EPB41L4A: variants seen among roughly 807,000 people sequenced by gnomAD.
EPB41L4A encodes erythrocyte membrane protein band 4.1 like 4A.
A neutral mutation model predicts 108.6 loss-of-function variants in EPB41L4A; 100 were observed. The observed-to-expected ratio is 0.92, with a 90% confidence interval of 0.78 to 1.09. The LOEUF (loss-of-function observed/expected upper bound fraction) is 1.09, where lower values mean the gene tolerates loss of function less well. EPB41L4A is among the 50% of genes least tolerant of loss of function. The pLI, the probability that EPB41L4A is intolerant of heterozygous loss-of-function variation, is 0.00. For missense variants in EPB41L4A, 1,030 were observed against 842.7 expected, an observed-to-expected ratio of 1.22 and a Z score of -2.75; for synonymous variants, 319 against 289.0, an observed-to-expected ratio of 1.10 and a Z score of -1.05.
chr5:112,202,242 G>A (rs971983517), intron 15 of EPB41L4A, among the ~76,000 whole-genome samples: 5 of 152,016 alleles, frequency 3.3e-5, no homozygotes, highest in African/African-American at 1.2e-4. Flanking sequence ...CATCCATCAC[G>A]GTGCCTGCAG....
chr5:112,331,966 T>C (rs1217055970), intron 1 of EPB41L4A, among the ~76,000 whole-genome samples: 1 of 152,232 alleles, frequency 6.6e-6, no homozygotes, highest in Admixed American at 6.5e-5. Flanking sequence ...GTTAGAATCA[T>C]AGGAGCATTT....
At chr5:112,314,984 TC>T (rs1428136472) in intron 1 of EPB41L4A, among the ~76,000 whole-genome samples, 1 of 152,110 alleles carries the variant, frequency 6.6e-6, no homozygotes, top group African/African-American at 2.4e-5. Flanking sequence ...ATAATGGACC[TC>T]CACTAATGAG....
chr5:112,231,329 T>C (rs1419369942), intron 12 of EPB41L4A, among the ~76,000 whole-genome samples: 3 of 152,200 alleles, frequency 2.0e-5, no homozygotes, highest in African/African-American at 7.2e-5. Context: ...GATATACAAT[T>C]GACCAAAAGG....
Position 112,183,465 on chromosome 5 carries a change from C to T in EPB41L4A, c.1622+551G>A, listed in dbSNP as rs115700536. On this transcript the variant is annotated intron_variant, in intron 18 of 22. Coordinates refer to ENST00000261486, the MANE Select transcript of EPB41L4A (RefSeq NM_022140.5). Reference sequence around the variant, plus strand: ...CACACACGCACAGAAACTTTACCAGCTCAAAGACAATTAATTTGGGGGACT... The same window carrying T: ...CACACACGCACAGAAACTTTACCAGTTCAAAGACAATTAATTTGGGGGACT... The T allele has an allele frequency of 5.8e-3, 888 of 153,888 alleles. 3 individuals are homozygous for T. Among genetic ancestry groups the T allele is most frequent in the Middle Eastern group, 0.014 (4 of 294 alleles). The allele number at this position is 153,888 out of a possible 1,614,324, so 9.5% of individuals were successfully genotyped here.
intron 1 of EPB41L4A, among the ~76,000 whole-genome samples, chr5:112,352,085 A>G (rs1264780811): frequency 6.6e-6 from 1 of 152,048 alleles, no homozygotes; most frequent in African/African-American, 2.4e-5. Context: ...TAAAAAAAAC[A>G]CTTTCTCATT....
At chr5:112,161,618 G>A (rs1486467433), downstream of EPB41L4A, 2 of 519,038 alleles carry the variant, frequency 3.9e-6, no homozygotes, top group African/African-American at 1.9e-5. Context: ...AGTAACAGTT[G>A]CTGCTTTTAC....
At chr5:112,161,472 C>G (rs1322680652), downstream of EPB41L4A, 1 of 517,804 alleles carries the variant, frequency 1.9e-6, no homozygotes, top group African/African-American at 1.9e-5. Flanking sequence ...TAAAGCCTAC[C>G]TCACGCAGTG....
chr5:112,419,841 G>C (rs1370084519), upstream of EPB41L4A: 1 of 456,738 alleles, frequency 2.2e-6, no homozygotes. Flanking sequence ...GTGGCCGTGT[G>C]TAGCCAAGTT....
chr5:112,165,392 A>G (rs1269078283), intron 22 of EPB41L4A, among the ~76,000 whole-genome samples: 1 of 152,216 alleles, frequency 6.6e-6, no homozygotes, highest in Admixed American at 6.5e-5. Flanking sequence ...AATCAGTGTC[A>G]TTACTTTTGT....
At chr5:112,220,814 T>C (rs150881498) in intron 12 of EPB41L4A, among the ~76,000 whole-genome samples, 1 of 152,182 alleles carries the variant, frequency 6.6e-6, no homozygotes, top group Non-Finnish European at 1.5e-5. Context: ...GAATCCCTCA[T>C]GTGATAGATA....
chr5:112,203,622 A>G (rs1244902829), intron 15 of EPB41L4A, among the ~76,000 whole-genome samples: 1 of 152,228 alleles, frequency 6.6e-6, no homozygotes, highest in Non-Finnish European at 1.5e-5. Context: ...CTACCCGTAT[A>G]GGTAAAATGT....
Position 112,176,871 on chromosome 5 carries a change from C to A in EPB41L4A, c.1623-5879G>T, listed in dbSNP as rs1037950514. 3.3e-5 allele frequency among the ~76,000 whole-genome samples: 5 copies of A among 151,038 alleles called. No individual in the cohort carries two copies. The East Asian group carries it at 9.8e-4, about 30-fold the overall frequency. On this transcript the variant is annotated intron_variant, in intron 18 of 22. Transcript: ENST00000261486. ...CCAGCTTCAAGCAATTCTCCTGACC[C>A]AGCCTCCCAAGTAGCTGGGATTACA...
chr5:112,252,293 C>T (rs1750735437), intron 9 of EPB41L4A, among the ~76,000 whole-genome samples: 1 of 152,050 alleles, frequency 6.6e-6, no homozygotes, highest in Non-Finnish European at 1.5e-5. Flanking sequence ...GCATTATTCC[C>T]TAGCTCTGTC....
At chr5:112,214,208 T>C (rs1230871072) in intron 12 of EPB41L4A, among the ~76,000 whole-genome samples, 2 of 152,218 alleles carry the variant, frequency 1.3e-5, no homozygotes, top group Non-Finnish European at 2.9e-5. Flanking sequence ...AATGGGCTTA[T>C]GTCTTCATGT....
At chr5:112,148,564 G>A (rs2112795969) in intron 12 of EPB41L4A, among the ~76,000 whole-genome samples, 1 of 151,766 alleles carries the variant, frequency 6.6e-6, no homozygotes, top group South Asian at 2.1e-4. Context: ...GTTTTGAAAG[G>A]TAACACTTTC....
chr5:112,290,668 T>C (rs563354526), intron 2 of EPB41L4A, among the ~76,000 whole-genome samples: 1 of 152,342 alleles, frequency 6.6e-6, no homozygotes, highest in South Asian at 2.1e-4. Context: ...TCATTTCATC[T>C]TGAAATAAAA....
At chr5:112,361,710 A>AATAAT (rs1561607631) in intron 1 of EPB41L4A, among the ~76,000 whole-genome samples, 1 of 140,632 alleles carries the variant, frequency 7.1e-6, no homozygotes, top group Non-Finnish European at 1.6e-5. Context: ...TGCTAAAAAA[A>AATAAT]AATAATAATA....
At chr5:112,387,138 A>C (rs1170068646) in intron 1 of EPB41L4A, among the ~76,000 whole-genome samples, 1 of 152,224 alleles carries the variant, frequency 6.6e-6, no homozygotes. Flanking sequence ...AACAATTCCC[A>C]GAGGGCTACT....
At chr5:112,251,170 A>C (rs1249660957) in intron 9 of EPB41L4A, among the ~76,000 whole-genome samples, 1 of 152,164 alleles carries the variant, frequency 6.6e-6, no homozygotes, top group Non-Finnish European at 1.5e-5. Flanking sequence ...ACTTCTATAC[A>C]TTGTAGTTGG....
Sources: gnomAD v4.1 joint callset for allele counts (sites outside exome capture counted in the v4.1 genomes callset) on GRCh38, gnomAD v4.1.1 for gene constraint, MANE v1.5 for transcripts, NCBI Gene and HGNC (gene_info 2026-07-23, HGNC 2026-07-21) for gene names.